Variants in PABPC1L observed in about 807,000 individuals in gnomAD.
PABPC1L encodes the protein polyadenylate-binding protein 1-like.
A neutral mutation model predicts 66.6 loss-of-function variants in PABPC1L; 31 were observed. The observed-to-expected ratio is 0.47, with a 90% confidence interval of 0.35 to 0.63. PABPC1L has a LOEUF of 0.63. Among genes scored for constraint, PABPC1L ranks in the 20% least tolerant of loss-of-function variants. The pLI is 0.00. For missense variants in PABPC1L, 722 were observed against 848.8 expected (o/e 0.85, Z 1.86); for synonymous variants, 348 against 335.1 (o/e 1.04, Z -0.42).
At chr20:44,923,087 CTT>C (rs1404253802) in intron 6 of PABPC1L, among the ~76,000 whole-genome samples, 2 of 152,230 alleles carry the variant, frequency 1.3e-5, no homozygotes, top group Non-Finnish European at 2.9e-5. Context: ...TCTCTGTTCT[CTT>C]GTACATTCAT....
At chr20:44,934,294 A>C (rs2066884210) in intron 10 of PABPC1L, among the ~76,000 whole-genome samples, 1 of 152,184 alleles carries the variant, frequency 6.6e-6, no homozygotes, top group Admixed American at 6.5e-5. Context: ...AGGCCCTGAC[A>C]CCCCTGCTTA....
chr20:44,925,210 C>CAAAAAAAAAA (rs34623911), intron 7 of PABPC1L, among the ~76,000 whole-genome samples: 1 of 75,486 alleles, frequency 1.3e-5, no homozygotes, highest in Non-Finnish European at 2.6e-5. Flanking sequence ...GACTCTGTCT[C>CAAAAAAAAAA]AAAAAAAAAA....
chr20:44,919,130 G>A lies in PABPC1L; in HGVS notation c.644-53G>A. 1.9e-6 allele frequency: 3 copies of A among 1,613,966 alleles called. 1 individual carries two copies. The highest frequency in any genetic ancestry group is 2.5e-6 in the Non-Finnish European group (3 of 1,179,848). On this transcript the variant is annotated intron_variant, in intron 4 of 14. Transcript: ENST00000217073. ...TGGTAGGGAGGAGGGGCTCTCCTGGGGTTTCCTGAGGACTTCCCAGACTCC... is the reference window on the plus strand; with the variant it reads ...TGGTAGGGAGGAGGGGCTCTCCTGGAGTTTCCTGAGGACTTCCCAGACTCC...
intron 13 of PABPC1L, 74 bp from the exon 14 acceptor site, chr20:44,938,600 A>AG: frequency 3.3e-6 from 5 of 1,513,688 alleles, no homozygotes; most frequent in Non-Finnish European, 4.5e-6. Flanking sequence ...ATGGTGAGCG[A>AG]GGGGGAGATC....
intron 6 of PABPC1L, 60 bp downstream of exon 6, chr20:44,921,791 C>T: frequency 6.3e-7 from 1 of 1,596,030 alleles, no homozygotes. Context: ...GTGTCGGGGG[C>T]CCTGAGTGGT....
intron 8 of PABPC1L, chr20:44,931,950 T>G (rs556777654): frequency 6.9e-5 from 11 of 158,404 alleles, no homozygotes; most frequent in Non-Finnish European, 1.4e-4. Flanking sequence ...GTTAATGTTC[T>G]GAGGAGCATG....
chr20:44,910,892 C>T (rs191567335), intron 1 of PABPC1L, among the ~76,000 whole-genome samples: 72 of 152,338 alleles, frequency 4.7e-4, no homozygotes, highest in African/African-American at 1.5e-3. Context: ...TGCCTCCAGG[C>T]CGCAAGGCCG....
chr20:44,936,076 G>A (rs909272309), intron 11 of PABPC1L, among the ~76,000 whole-genome samples: 2 of 151,914 alleles, frequency 1.3e-5, no homozygotes, highest in African/African-American at 4.8e-5. Context: ...AGGCTCAAGT[G>A]ATCCTCCCAC....
chr20:44,930,692 A>G lies in PABPC1L; in HGVS notation c.1205A>G (p.Gln402Arg), dbSNP rs989603408. ...AACCCCCTCCTGGGCTCCTTTCAGC[A>G]GCCCTCCAGCTACTTCCTGCCTGCC... Reference protein sequence around the residue: ...LSNPLLGSFQQPSSYFLPAMP... With the variant: ...LSNPLLGSFQRPSSYFLPAMP... The change falls in exon 8 of 15, where the codon CAG becomes CGG. Residue 402 changes from glutamine (Q) to arginine (R), a missense_variant. Physicochemically the swap from Gln to Arg is conservative, Grantham distance 43. Around this residue, in one of 3 missense-constraint regions of PABPC1L, gnomAD observed 301 missense variants for 337.2 expected, o/e 0.89. Coordinates refer to ENST00000217073, the MANE Select transcript of PABPC1L (RefSeq NM_001372179.1). 5.6e-6 allele frequency: 9 copies of G among 1,613,914 alleles called. No individual in the cohort carries two copies. The highest frequency in any genetic ancestry group is 7.6e-6 in the Non-Finnish European group (9 of 1,180,004).
chr20:44,921,848 G>A (rs943876089), intron 6 of PABPC1L, 117 bp downstream of exon 6: 50 of 1,482,580 alleles, frequency 3.4e-5, no homozygotes, highest in Admixed American at 1.1e-4. Context: ...GGCTCAAGGC[G>A]GGAATTGAAT....
chr20:44,935,071 A>G (rs78497876), intron 10 of PABPC1L, among the ~76,000 whole-genome samples: 4 of 115,414 alleles, frequency 3.5e-5, no homozygotes, highest in African/African-American at 7.0e-5. Context: ...CTGTCTCAGG[A>G]AAAAAAAAAA....
chr20:44,923,465 C>T (rs1390863022), intron 6 of PABPC1L, among the ~76,000 whole-genome samples: 1 of 151,870 alleles, frequency 6.6e-6, no homozygotes, highest in African/African-American at 2.4e-5. Context: ...CCCGTCTCTA[C>T]TAAAAAATAC....
chr20:44,930,784 G>A, intron 8 of PABPC1L, 58 bp downstream of exon 8: 1 of 1,574,074 alleles, frequency 6.4e-7, no homozygotes, highest in Admixed American at 1.8e-5. Context: ...GCAAGGCAGA[G>A]CATGAAGACT....
chr20:44,923,370 C>A (rs1272617241), intron 6 of PABPC1L, among the ~76,000 whole-genome samples: 1 of 152,092 alleles, frequency 6.6e-6, no homozygotes, highest in African/African-American at 2.4e-5. Flanking sequence ...TGCCTGTAAT[C>A]CCAGCACTTT....
intron 10 of PABPC1L, among the ~76,000 whole-genome samples, chr20:44,935,016 C>T (rs1055987443): frequency 5.3e-5 from 8 of 150,486 alleles, no homozygotes; most frequent in Non-Finnish European, 8.8e-5. Flanking sequence ...TGCAGTGAGC[C>T]GAGATAACAC....
rs367834437 is a variant in PABPC1L at position 44,923,925 on chromosome 20, G to C, written c.877-236G>C. On this transcript the variant is annotated intron_variant, in intron 6 of 14. Transcript: ENST00000217073. Reference sequence around the variant, plus strand: ...ATGGGGAATAGCTGTGGTGAGGCTGGGACCAGTGCAGATGTGTGAGAACTG... The same window carrying C: ...ATGGGGAATAGCTGTGGTGAGGCTGCGACCAGTGCAGATGTGTGAGAACTG... Among the ~76,000 whole-genome samples, 27 of 152,184 alleles carry C rather than the reference G, an allele frequency of 1.8e-4. 1 individual carries two copies. Among genetic ancestry groups the C allele is most frequent in the African/African-American group, 6.3e-4 (26 of 41,432 alleles).
chr20:44,932,804 G>A (rs370362832), intron 9 of PABPC1L: 3 of 540,284 alleles, frequency 5.6e-6, no homozygotes, highest in Middle Eastern at 8.8e-4. Flanking sequence ...AGGGACTAAG[G>A]TGTACAATCC....
Position 44,910,267 on chromosome 20 carries a change from G to T in PABPC1L, c.124G>T (p.Val42Leu), listed in dbSNP as rs1277044717. ...SPAGPILSIR[V>L]CRDVATRRSL... ...CGCCGGCCCCATCCTGTCCATCCGCGTGTGCCGCGATGTAGCCACCCGGCG... is the reference window on the plus strand; with the variant it reads ...CGCCGGCCCCATCCTGTCCATCCGCTTGTGCCGCGATGTAGCCACCCGGCG... The change falls in exon 1 of 15, where the codon GTG becomes TTG. Residue 42 changes from valine (V) to leucine (L), a missense_variant. Val to Leu is a conservative substitution (Grantham distance 32). Coordinates refer to ENST00000217073, the MANE Select transcript of PABPC1L (RefSeq NM_001372179.1). 1 of 1,556,838 alleles carries T rather than the reference G, an allele frequency of 6.4e-7. No homozygotes were observed. Among genetic ancestry groups the T allele is most frequent in the Admixed American group, 1.9e-5 (1 of 52,198 alleles).
intron 3 of PABPC1L, among the ~76,000 whole-genome samples, chr20:44,918,601 ACT>A (rs1326199584): frequency 1.3e-5 from 2 of 152,056 alleles, no homozygotes; most frequent in African/African-American, 4.8e-5. Context: ...TGTCTGTCTG[ACT>A]CTCAGGCTCA....
Sources: gnomAD v4.1 joint callset for allele counts (sites outside exome capture counted in the v4.1 genomes callset) on GRCh38, gnomAD v4.1.1 for gene constraint, gnomAD v4.1.1 regional missense constraint, MANE v1.5 for transcripts, NCBI Gene and HGNC (gene_info 2026-07-23, HGNC 2026-07-21) for gene names.